The following PDE10A variants were observed in gnomAD, a reference collection of about 807,000 sequenced individuals.
The protein encoded by PDE10A is cAMP and cAMP-inhibited cGMP 3',5'-cyclic phosphodiesterase 10A.
In PDE10A, 39 loss-of-function variants were observed where a neutral mutation model predicts 97.7. That is an observed-to-expected ratio of 0.40 (90% CI 0.31 to 0.52). The LOEUF is 0.52. Among genes scored for constraint, PDE10A ranks in the 20% least tolerant of loss-of-function variants. The probability of loss-of-function intolerance (pLI) is 0.56; values close to 1 mark genes in which losing one functional copy is unlikely to be tolerated. For synonymous variants in PDE10A, 371 were observed against 376.8 expected (o/e 0.98, Z 0.18); for missense variants, 731 against 1,047.8 (o/e 0.70, Z 4.17).
At chr6:165,561,218 C>CAA (rs879668151) in intron 1 of PDE10A, among the ~76,000 whole-genome samples, 22 of 123,520 alleles carry the variant, frequency 1.8e-4, no homozygotes, top group African/African-American at 5.3e-4. Context: ...GACTCCAACT[C>CAA]AAAAAAAAAA....
At chr6:165,394,287 A>G (rs527999131) in intron 15 of PDE10A, among the ~76,000 whole-genome samples, 1 of 152,048 alleles carries the variant, frequency 6.6e-6, no homozygotes, top group Non-Finnish European at 1.5e-5. Flanking sequence ...CTCACTGTTC[A>G]ACTTCCACTT....
intron 1 of PDE10A, among the ~76,000 whole-genome samples, chr6:165,744,300 C>T (rs1391308103): frequency 2.0e-5 from 3 of 152,064 alleles, no homozygotes; most frequent in Non-Finnish European, 4.4e-5. Context: ...TAAATAAGAA[C>T]ACATAGTAAA....
chr6:165,494,215 T>C (rs1240330963), intron 2 of PDE10A, among the ~76,000 whole-genome samples: 2 of 152,160 alleles, frequency 1.3e-5, no homozygotes, highest in African/African-American at 4.8e-5. Flanking sequence ...CTTACACTGT[T>C]GGTGGCAATT....
chr6:165,750,292 C>A (rs78832920), intron 1 of PDE10A, among the ~76,000 whole-genome samples: 1,565 of 152,250 alleles, frequency 0.01, 14 homozygotes, highest in Middle Eastern at 0.017. Context: ...CAAAGGGATT[C>A]CAAATAAAGG....
intron 5 of PDE10A, among the ~76,000 whole-genome samples, chr6:165,448,520 A>T (rs1456205831): frequency 6.6e-6 from 1 of 152,138 alleles, no homozygotes; most frequent in Non-Finnish European, 1.5e-5. Flanking sequence ...TCTGCAAAAA[A>T]CTTTAAAAAT....
chr6:165,636,719 A>T (rs1788896652), intron 1 of PDE10A, among the ~76,000 whole-genome samples: 1 of 152,220 alleles, frequency 6.6e-6, no homozygotes, highest in African/African-American at 2.4e-5. Context: ...ATCTGCCCGA[A>T]CACATTTGTG....
intron 1 of PDE10A, among the ~76,000 whole-genome samples, chr6:165,832,093 A>G (rs73031979): frequency 0.06 from 9,166 of 152,256 alleles, 342 homozygotes; most frequent in South Asian, 0.13. Flanking sequence ...ATTTTTCAGT[A>G]TCTTTAGTTT....
At chr6:165,682,284 A>C (rs1229614568) in intron 1 of PDE10A, among the ~76,000 whole-genome samples, 12 of 152,020 alleles carry the variant, frequency 7.9e-5, no homozygotes, top group Admixed American at 7.2e-4. Context: ...GACATGCACC[A>C]CCACACACAG....
At chr6:165,931,612 A>G (rs752317466) in intron 1 of PDE10A, among the ~76,000 whole-genome samples, 12 of 152,346 alleles carry the variant, frequency 7.9e-5, no homozygotes, top group South Asian at 2.1e-4. Flanking sequence ...ATGCTTTTCT[A>G]TGGGCAGCAC....
At chr6:165,524,499 A>C (rs957693757) in intron 2 of PDE10A, among the ~76,000 whole-genome samples, 1 of 152,178 alleles carries the variant, frequency 6.6e-6, no homozygotes, top group East Asian at 1.9e-4. Context: ...TAGTGACTCT[A>C]TACATAATAC....
Position 165,381,583 on chromosome 6 carries a change from G to A in PDE10A, c.2611-2217C>T, listed in dbSNP as rs144251940. Among the ~76,000 whole-genome samples, 1,126 of 151,042 alleles carry A rather than the reference G, an allele frequency of 7.5e-3. 35 individuals carry two copies. The highest frequency in any genetic ancestry group is 0.061 in the Admixed American group (923 of 15,170). On this transcript the variant is annotated intron_variant, in intron 17 of 21. Coordinates refer to ENST00000539869, the MANE Select transcript of PDE10A (RefSeq NM_001385079.1). ...GGATTCAAGCGATTCTCCTGCCTCA[G>A]CCTCTAGAGTAGCTGGGATTACAGG...
chr6:165,660,827 C>T (rs1016099621), intron 1 of PDE10A: 2 of 152,174 alleles, frequency 1.3e-5, no homozygotes, highest in African/African-American at 4.8e-5. Flanking sequence ...GCTCCGGAGC[C>T]GCGCTCTGGG....
intron 1 of PDE10A, among the ~76,000 whole-genome samples, chr6:165,966,511 G>C (rs79027746): frequency 6.6e-6 from 1 of 152,174 alleles, no homozygotes; most frequent in South Asian, 2.1e-4. Flanking sequence ...AGCCCAGCTC[G>C]TGGAAGATGC....
In PDE10A at chr6:165,519,341, T is replaced by A. The variant is rs137953424; in HGVS notation, c.994+24099A>T. ...CTAAAAGAGTTAGAATCTTAGGAGTTACAGAAATCACAACTTCTAAAACCA... is the reference window on the plus strand; with the variant it reads ...CTAAAAGAGTTAGAATCTTAGGAGTAACAGAAATCACAACTTCTAAAACCA... On this transcript the variant is annotated intron_variant, in intron 2 of 21. Transcript: ENST00000539869. 4.1e-4 allele frequency among the ~76,000 whole-genome samples: 63 copies of A among 152,194 alleles called. No individual in the cohort carries two copies. The East Asian group carries it at 8.3e-3, about 20-fold the overall frequency.
intron 1 of PDE10A, among the ~76,000 whole-genome samples, chr6:165,720,992 G>A (rs962179323): frequency 6.6e-6 from 1 of 152,192 alleles, no homozygotes; most frequent in Non-Finnish European, 1.5e-5. Flanking sequence ...TGTTGAGGAC[G>A]TATGGAAAGT....
At chr6:165,609,711 A>T (rs1290206196) in intron 1 of PDE10A, among the ~76,000 whole-genome samples, 6 of 152,214 alleles carry the variant, frequency 3.9e-5, no homozygotes, top group African/African-American at 1.4e-4. Flanking sequence ...TTATACACCA[A>T]TAACAGACAA....
intron 1 of PDE10A, among the ~76,000 whole-genome samples, chr6:165,929,298 A>AT (rs1783049731): frequency 6.6e-6 from 1 of 152,184 alleles, no homozygotes; most frequent in Non-Finnish European, 1.5e-5. Flanking sequence ...AAGTGGCTGG[A>AT]CACGGGGAAG....
chr6:165,909,427 A>G (rs1782393303), intron 1 of PDE10A, among the ~76,000 whole-genome samples: 2 of 152,226 alleles, frequency 1.3e-5, no homozygotes, highest in Non-Finnish European at 2.9e-5. Context: ...GGACTCGGAC[A>G]CCGTAGCTTA....
intron 1 of PDE10A, among the ~76,000 whole-genome samples, chr6:165,638,202 G>T (rs887185444): frequency 2.6e-5 from 4 of 151,200 alleles, no homozygotes; most frequent in Non-Finnish European, 5.9e-5. Flanking sequence ...AAAAAGAAAA[G>T]AAAAAGTATT....
Sources: allele counts gnomAD v4.1 joint callset (sites outside exome capture counted in the v4.1 genomes callset), GRCh38; gene constraint gnomAD v4.1.1; transcripts MANE v1.5; gene names NCBI Gene and HGNC (gene_info 2026-07-23, HGNC 2026-07-21).